Variants in ADGRG6 observed in about 807,000 individuals in gnomAD.
The protein encoded by ADGRG6 is G-protein coupled receptor 126.
ADGRG6 carries 84 observed loss-of-function variants against 142.4 expected under a neutral mutation model. The observed-to-expected ratio is 0.59, with a 90% CI of 0.49 to 0.71. The LOEUF (loss-of-function observed/expected upper bound fraction) is 0.71, where lower values mean the gene tolerates loss of function less well. Ranked by LOEUF, ADGRG6 falls within the 30% of genes least tolerant of loss-of-function variation. ADGRG6 has a pLI of 0.00. For synonymous variants in ADGRG6, 521 were observed against 520.5 expected (o/e 1.00, Z -0.01); for missense variants, 1,367 against 1,466.6 (o/e 0.93, Z 1.11).
chr6:142,366,317 G>T (rs955292467), intron 2 of ADGRG6, among the ~76,000 whole-genome samples: 1 of 152,140 alleles, frequency 6.6e-6, no homozygotes, highest in Non-Finnish European at 1.5e-5. Context: ...CATGATCTTA[G>T]ATCTCATAGG....
intron 24 of ADGRG6, among the ~76,000 whole-genome samples, chr6:142,442,229 A>T (rs1777788173): frequency 6.6e-6 from 1 of 152,206 alleles, no homozygotes; most frequent in Non-Finnish European, 1.5e-5. Flanking sequence ...TGCCTCTTCC[A>T]CAATGTATGG....
At position 142,370,442 on chromosome 6, in the gene ADGRG6, A is replaced by G. The variant is rs1781185115; in HGVS notation, c.718A>G (p.Lys240Glu). Residue 240 changes from lysine to glutamate, a missense_variant, in exon 4 of 25, where the codon AAA becomes GAA. This residue lies in a region of ADGRG6 where 737 missense variants were observed against 746.5 expected (regional missense o/e 0.99). Transcript: ENST00000367609. ...KCLLNNALPV[K>E]EKEDIFAESF... Reference sequence around the variant, plus strand: ...TTTGTTGAATAATGCATTACCTGTCAAAGAAAAAGAAGACATTTTTGCAGA... The same window carrying G: ...TTTGTTGAATAATGCATTACCTGTCGAAGAAAAAGAAGACATTTTTGCAGA... 1.9e-6 allele frequency: 3 copies of G among 1,613,610 alleles called. No individual in the cohort carries two copies. The highest frequency in any genetic ancestry group is 1.3e-5 in the African/African-American group (1 of 75,060).
At chr6:142,329,822 T>C (rs536332381) in intron 2 of ADGRG6, among the ~76,000 whole-genome samples, 35 of 152,340 alleles carry the variant, frequency 2.3e-4, no homozygotes, top group Non-Finnish European at 4.4e-4. Flanking sequence ...TAAGTTTTTC[T>C]AATTGCAGTG....
Position 142,370,298 on chromosome 6 carries a change from G to A in ADGRG6, c.574G>A (p.Val192Ile), listed in dbSNP as rs764999436. 1 of 1,613,886 alleles carries A rather than the reference G, an allele frequency of 6.2e-7. No individual in the cohort carries two copies. Among genetic ancestry groups the A allele is most frequent in the Admixed American group, 1.7e-5 (1 of 60,004 alleles). The change falls in exon 4 of 25, where the codon GTT (valine) becomes ATT (isoleucine). Residue 192 changes from valine (V) to isoleucine (I), a missense_variant. Around this residue, in one of 3 missense-constraint regions of ADGRG6, gnomAD observed 737 missense variants for 746.5 expected, o/e 0.99. Coordinates refer to ENST00000367609, the MANE Select transcript of ADGRG6 (RefSeq NM_198569.3). The stretch of plus-strand genomic sequence containing the variant: ...CACACTCTGCTTTGAAGCAACCAAA[G>A]TTGGCCATGAAGACAGTGATTGGAC... The part of the protein sequence containing the change: ...AFTLCFEATK[V>I]GHEDSDWTAF...
chr6:142,405,823 T>C lies in ADGRG6; in HGVS notation c.2263T>C (p.Phe755Leu), dbSNP rs1032597624. ...QFTFFNKTGL[F>L]QDVGPQRKTL... ...TACTTTCTTCAACAAAACTGGACTT[T>C]TCCAGGTAAGCACATTCATTAAATT... The change falls in exon 15 of 25, where the codon TTC (phenylalanine) becomes CTC (leucine). Residue 755 changes from phenylalanine to leucine, a missense_variant. Coordinates refer to ENST00000367609, the MANE Select transcript of ADGRG6 (RefSeq NM_198569.3). The C allele has an allele frequency of 1.4e-5, 22 of 1,593,628 alleles. No individual in the cohort carries two copies. The highest frequency in any genetic ancestry group is 1.9e-5 in the Non-Finnish European group (22 of 1,171,180).
Position 142,302,277 on chromosome 6 carries a change from G to C in ADGRG6, c.-53G>C. On this transcript the variant is annotated 5_prime_UTR_variant, in exon 1 of 25. Transcript: ENST00000367609. ...GGAGCAGCGGCAGCAGAGCGGGAAA[G>C]TGGTGGAGGATGATCTTGCGGCCAA... 6.2e-7 allele frequency: 1 copy of C among 1,606,322 alleles called. No individual in the cohort carries two copies. The highest frequency in any genetic ancestry group is 8.5e-7 in the Non-Finnish European group (1 of 1,175,784).
intron 16 of ADGRG6, among the ~76,000 whole-genome samples, chr6:142,408,621 A>G (rs1438318652): frequency 1.3e-5 from 2 of 152,170 alleles, no homozygotes; most frequent in African/African-American, 4.8e-5. Flanking sequence ...TTCTGTGTAT[A>G]TTTGCAAAGA....
At chr6:142,359,712 G>A (rs1780625900) in intron 2 of ADGRG6, among the ~76,000 whole-genome samples, 1 of 152,176 alleles carries the variant, frequency 6.6e-6, no homozygotes. Context: ...GTACATGACT[G>A]TATTCCCAGA....
At chr6:142,384,974 C>T (rs1332290400) in intron 6 of ADGRG6, among the ~76,000 whole-genome samples, 1 of 151,994 alleles carries the variant, frequency 6.6e-6, no homozygotes, top group Non-Finnish European at 1.5e-5. Context: ...CCCAAGAAAG[C>T]AACAGCAGCT....
chr6:142,390,325 G>T lies in ADGRG6; in HGVS notation c.1290G>T (p.Gln430His). The change falls in exon 7 of 25, where the codon CAG becomes CAT. Residue 430 changes from glutamine (Q) to histidine (H), a missense_variant. Coordinates refer to ENST00000367609, the MANE Select transcript of ADGRG6 (RefSeq NM_198569.3). ...TTCGTCACCCTGAGGTAAAAGTACA[G>T]AGCAAGGTGGCAGAATGGGTAAGTG... ...NILRHPEVKVQSKVAEWLNST... is the reference protein window; with the variant it reads ...NILRHPEVKVHSKVAEWLNST... 6.3e-7 allele frequency: 1 copy of T among 1,594,990 alleles called. No homozygotes were observed. Among genetic ancestry groups the T allele is most frequent in the South Asian group, 1.1e-5 (1 of 89,552 alleles).
chr6:142,400,152 CTG>C (rs1225575239), intron 10 of ADGRG6, among the ~76,000 whole-genome samples: 1 of 152,154 alleles, frequency 6.6e-6, no homozygotes. Flanking sequence ...TTTTCCTTCT[CTG>C]TAGGGTTTAT....
intron 2 of ADGRG6, among the ~76,000 whole-genome samples, chr6:142,355,686 C>T (rs1298469310): frequency 6.6e-6 from 1 of 152,104 alleles, no homozygotes; most frequent in South Asian, 2.1e-4. Flanking sequence ...TGGAAACATG[C>T]TGCACTGTGT....
chr6:142,440,945 A>G (rs1306979708), intron 24 of ADGRG6: 1 of 1,495,336 alleles, frequency 6.7e-7, no homozygotes, highest in African/African-American at 1.4e-5. Flanking sequence ...ACAAAAGTGG[A>G]TCACTCAGGT....
chr6:142,432,156 T>G (rs1289970918), intron 22 of ADGRG6, among the ~76,000 whole-genome samples: 1 of 152,156 alleles, frequency 6.6e-6, no homozygotes, highest in Non-Finnish European at 1.5e-5. Flanking sequence ...TCTGGCTTCA[T>G]TTCTACTGCT....
Position 142,445,580 on chromosome 6 carries a change from A to G in ADGRG6, c.*2065A>G, listed in dbSNP as rs1197342232. 3 of 152,154 alleles carry G rather than the reference A, an allele frequency of 2.0e-5. No individual in the cohort carries two copies. The highest frequency in any genetic ancestry group is 4.4e-5 in the Non-Finnish European group (3 of 68,022). The allele number at this position is 152,154 out of a possible 1,614,324, so 9.4% of individuals were successfully genotyped here. On this transcript the variant is annotated 3_prime_UTR_variant, in exon 25 of 25. Transcript: ENST00000367609. ...ATGGCTCCAGAAAAATATTTTTTTCATATTTGACAATGTCAGCTCCACTTT... is the reference window on the plus strand; with the variant it reads ...ATGGCTCCAGAAAAATATTTTTTTCGTATTTGACAATGTCAGCTCCACTTT...
intron 2 of ADGRG6, among the ~76,000 whole-genome samples, chr6:142,364,447 A>G (rs189553032): frequency 2.4e-4 from 36 of 152,270 alleles, no homozygotes; most frequent in African/African-American, 7.5e-4. Context: ...AAATTCTACT[A>G]AAGTGGTGTG....
In ADGRG6 at chr6:142,402,038, T is replaced by C. The variant is rs191332808; in HGVS notation, c.1724T>C (p.Val575Ala). The stretch of plus-strand genomic sequence containing the variant: ...CCATTGGTAACCTACTGGGGACCTG[T>C]TGATATCTCCAACTGTTTAAGTAAG... ...TNPLVTYWGPVDISNCLKEAN... is the reference protein window; with the variant it reads ...TNPLVTYWGPADISNCLKEAN... The change falls in exon 12 of 25, where the codon GTT becomes GCT. Residue 575 changes from valine (V) to alanine (A), a missense_variant. Coordinates refer to ENST00000367609, the MANE Select transcript of ADGRG6 (RefSeq NM_198569.3). 299 of 1,552,664 alleles carry C rather than the reference T, an allele frequency of 1.9e-4. No homozygotes were observed. The highest frequency in any genetic ancestry group is 3.1e-4 in the Admixed American group (18 of 57,758).
At chr6:142,394,899 T>C (rs1268002211) in intron 9 of ADGRG6, among the ~76,000 whole-genome samples, 1 of 152,112 alleles carries the variant, frequency 6.6e-6, no homozygotes, top group Non-Finnish European at 1.5e-5. Flanking sequence ...CTGGCCTCCA[T>C]ACAATTTTTT....
intron 2 of ADGRG6, among the ~76,000 whole-genome samples, chr6:142,334,459 G>A (rs973381148): frequency 5.9e-5 from 9 of 152,154 alleles, no homozygotes; most frequent in East Asian, 1.9e-4. Context: ...CTCTCCACAC[G>A]TAGCAGAAGC....
Sources: allele counts gnomAD v4.1 joint callset (sites outside exome capture counted in the v4.1 genomes callset), GRCh38; gene constraint gnomAD v4.1.1; regional missense constraint gnomAD v4.1.1; transcripts MANE v1.5; gene names NCBI Gene and HGNC (gene_info 2026-07-23, HGNC 2026-07-21).